The following PDE1A variants were observed in gnomAD, a reference collection of about 807,000 sequenced individuals.
The protein encoded by PDE1A is dual specificity calcium/calmodulin-dependent 3',5'-cyclic nucleotide phosphodiesterase 1A.
PDE1A carries 35 observed loss-of-function variants against 61.7 expected under a neutral mutation model. That is an observed-to-expected ratio of 0.57 (90% CI 0.43 to 0.75). PDE1A has a LOEUF of 0.75. Among genes scored for constraint, PDE1A ranks in the 30% least tolerant of loss-of-function variants. The pLI is 0.00. For synonymous variants in PDE1A, 232 were observed against 213.2 expected, an observed-to-expected ratio of 1.09 and a Z score of -0.77; for missense variants, 597 against 630.6, an observed-to-expected ratio of 0.95 and a Z score of 0.57.
At chr2:182,619,504 G>C in the PDE1A span, among the ~76,000 whole-genome samples, 8 of 152,200 alleles carry the variant, frequency 5.3e-5, no homozygotes, top group Admixed American at 5.2e-4. Context: ...GAATTTGTCA[G>C]AGCCACTCAC....
At chr2:182,389,746 T>C (rs1279196819) in intron 1 of PDE1A, among the ~76,000 whole-genome samples, 2 of 152,080 alleles carry the variant, frequency 1.3e-5, no homozygotes, top group Non-Finnish European at 2.9e-5. Flanking sequence ...AGTCGGTGGA[T>C]TGGGAGAGGT....
chr2:182,192,769 C>T (rs184066637), intron 10 of PDE1A, among the ~76,000 whole-genome samples: 2 of 152,220 alleles, frequency 1.3e-5, no homozygotes, highest in East Asian at 1.9e-4. Context: ...ACAGCTTATA[C>T]CTGTCTTTAC....
intron 1 of PDE1A, among the ~76,000 whole-genome samples, chr2:182,271,271 T>C (rs1400356427): frequency 4.0e-5 from 6 of 151,290 alleles, no homozygotes; most frequent in Non-Finnish European, 8.8e-5. Context: ...TATATGTATA[T>C]AAAACATCAT....
chr2:182,522,280 C>T (rs751941346), exon 2 of PDE1A: 17 of 1,612,824 alleles, frequency 1.1e-5, no homozygotes, highest in Non-Finnish European at 1.4e-5. Context: ...ACTCACATTC[C>T]TTTCAGGCGC....
intron 1 of PDE1A, among the ~76,000 whole-genome samples, chr2:182,389,283 C>T (rs1701287022): frequency 6.6e-6 from 1 of 151,994 alleles, no homozygotes; most frequent in Non-Finnish European, 1.5e-5. Context: ...AAACTATCAA[C>T]AGAGTGAACA....
intron 1 of PDE1A, among the ~76,000 whole-genome samples, chr2:182,377,480 A>G (rs1157733915): frequency 6.6e-6 from 1 of 152,194 alleles, no homozygotes; most frequent in Non-Finnish European, 1.5e-5. Flanking sequence ...TAAATTACCC[A>G]GTCTCAGGTA....
the PDE1A span, among the ~76,000 whole-genome samples, chr2:182,599,527 A>T: frequency 6.6e-6 from 1 of 152,234 alleles, no homozygotes; most frequent in Admixed American, 6.5e-5. Flanking sequence ...ATGGAGTGCC[A>T]GAGAACTTGT....
chr2:182,188,998 C>T (rs1685474274), exon 11 of PDE1A: 1 of 1,612,206 alleles, frequency 6.2e-7, no homozygotes, highest in South Asian at 1.1e-5. Flanking sequence ...ACTGGGCCAC[C>T]ATGGTTGACT....
the PDE1A span, among the ~76,000 whole-genome samples, chr2:182,699,454 C>A: frequency 6.6e-6 from 1 of 152,150 alleles, no homozygotes; most frequent in African/African-American, 2.4e-5. Flanking sequence ...ATACCAATAA[C>A]ATATTTTACA....
chr2:182,222,961 T>C (rs1487274910), intron 7 of PDE1A, among the ~76,000 whole-genome samples: 1 of 151,950 alleles, frequency 6.6e-6, no homozygotes, highest in Non-Finnish European at 1.5e-5. Flanking sequence ...GAGGTTAGGG[T>C]AACTCTCTGT....
the PDE1A span, among the ~76,000 whole-genome samples, chr2:182,705,471 T>G: frequency 6.6e-6 from 1 of 152,188 alleles, no homozygotes; most frequent in African/African-American, 2.4e-5. Flanking sequence ...ATTAGGTCTT[T>G]GGGCTATAAA....
At chr2:182,462,231 C>G (rs552406196) in intron 2 of PDE1A, among the ~76,000 whole-genome samples, 12 of 151,876 alleles carry the variant, frequency 7.9e-5, no homozygotes, top group East Asian at 3.9e-4. Context: ...GTGCAGCACA[C>G]CAACATGGCA....
At chr2:182,230,673 A>C (rs907497269) in intron 5 of PDE1A, among the ~76,000 whole-genome samples, 3 of 152,200 alleles carry the variant, frequency 2.0e-5, no homozygotes, top group Admixed American at 6.5e-5. Flanking sequence ...AAAAGCTGGC[A>C]ATAAAGGTTC....
At chr2:182,260,311 C>G (rs1692133648) in intron 2 of PDE1A, among the ~76,000 whole-genome samples, 1 of 152,146 alleles carries the variant, frequency 6.6e-6, no homozygotes, top group Non-Finnish European at 1.5e-5. Context: ...TTTCAGAAGT[C>G]AAAAGGTTTT....
intron 2 of PDE1A, among the ~76,000 whole-genome samples, chr2:182,457,372 C>A (rs968303392): frequency 6.6e-6 from 1 of 151,584 alleles, no homozygotes; most frequent in Non-Finnish European, 1.5e-5. Flanking sequence ...CTTAGTTAAA[C>A]AGGTAGAAAA....
At chr2:182,497,915 A>G (rs7562805) in intron 2 of PDE1A, among the ~76,000 whole-genome samples, 12,853 of 151,890 alleles carry the variant, frequency 0.085, 1,778 homozygotes, top group African/African-American at 0.29. Flanking sequence ...GCGTGGTGGC[A>G]GGCACCTGTA....
At chr2:182,255,692 C>G (rs1397067021) in intron 2 of PDE1A, among the ~76,000 whole-genome samples, 1 of 140,760 alleles carries the variant, frequency 7.1e-6, no homozygotes, top group Non-Finnish European at 1.5e-5. Flanking sequence ...GAGTCTTGCT[C>G]TGTCACCCAG....
chr2:182,249,726 C>T (rs1345635926), intron 2 of PDE1A, among the ~76,000 whole-genome samples: 3 of 63,936 alleles, frequency 4.7e-5, no homozygotes, highest in Non-Finnish European at 8.5e-5. Flanking sequence ...CACCCTTACC[C>T]CCCAACCCCC....
At chr2:182,538,563 A>G in the PDE1A span, among the ~76,000 whole-genome samples, 1 of 152,086 alleles carries the variant, frequency 6.6e-6, no homozygotes, top group African/African-American at 2.4e-5. Context: ...CCATATAAGG[A>G]AAATATCTTC....
Sources: allele counts gnomAD v4.1 joint callset (sites outside exome capture counted in the v4.1 genomes callset), GRCh38; gene constraint gnomAD v4.1.1; transcripts MANE v1.5; gene names NCBI Gene and HGNC (gene_info 2026-07-23, HGNC 2026-07-21).